The following GOLGA8H variants were observed in gnomAD, a reference collection of about 807,000 sequenced individuals.
The protein encoded by GOLGA8H is golgin A8 family member H.
GOLGA8H carries 47 observed loss-of-function variants against 82.7 expected under a neutral mutation model. The ratio of observed to expected loss-of-function variants is 0.57; its 90% CI spans 0.45 to 0.73. The LOEUF (loss-of-function observed/expected upper bound fraction) is 0.73. GOLGA8H is among the 30% of genes least tolerant of loss of function. The probability of loss-of-function intolerance (pLI) is 0.00; values close to 1 mark genes in which losing one functional copy is unlikely to be tolerated. For missense variants in GOLGA8H, 372 were observed against 661.0 expected (o/e 0.56, Z 4.79); for synonymous variants, 108 against 241.6 (o/e 0.45, Z 5.13).
Position 30,604,149 on chromosome 15 carries a change from C to G in GOLGA8H, c.24C>G (p.Asn8Lys). 6.7e-7 allele frequency: 1 copy of G among 1,490,568 alleles called. No individual in the cohort carries two copies. Among genetic ancestry groups the G allele is most frequent in the Non-Finnish European group, 8.9e-7 (1 of 1,120,422 alleles). The allele number at this position is 1,490,568 out of a possible 1,614,324, so 92.3% of individuals were successfully genotyped here. A position where few individuals can be genotyped will look rare whatever the true frequency, so the allele number is the denominator to read the frequency against. MAEETQH[N>K]KLAAAKKKLK... is the part of the protein sequence containing the mutation. ...CGATGGCAGAAGAAACTCAACACAA[C>G]AAATTGGCTGCAGCCAAGAAAAAGG... The change falls in exon 1 of 19, where the codon AAC becomes AAG. Residue 8 changes from asparagine to lysine, a missense_variant. Physicochemically the swap from Asn to Lys is moderately conservative, Grantham distance 94. Transcript: ENST00000566740.
Position 30,610,253 on chromosome 15 carries a change from A to G in GOLGA8H, c.787-49A>G, listed in dbSNP as rs752269498. On this transcript the variant is annotated intron_variant, in intron 10 of 18. Transcript: ENST00000566740. ...CAGAGAGGGAGAGGGCAGCCTGTCC[A>G]GCCTCCAGCCCCTCTCTCCAAGGCC... The G allele has an allele frequency of 4.5e-5, 40 of 887,670 alleles. 1 individual carries two copies. The highest frequency in any genetic ancestry group is 7.1e-5 in the Non-Finnish European group (39 of 547,990). The allele number at this position is 887,670 out of a possible 1,614,324, so 55.0% of individuals were successfully genotyped here.
At chr15:30,612,766 G>C (rs951117621) in intron 14 of GOLGA8H, 94 bp downstream of exon 14, 1 of 1,158,902 alleles carries the variant, frequency 8.6e-7, no homozygotes, top group Non-Finnish European at 1.3e-6. Context: ...GAGACCTTTA[G>C]AACAGCTGGT....
intron 1 of GOLGA8H, 25 bp from the exon 2 acceptor site, chr15:30,605,818 G>A (rs769866452): frequency 1.3e-4 from 200 of 1,591,506 alleles, no homozygotes; most frequent in East Asian, 4.3e-4. Flanking sequence ...GTTCTCATGA[G>A]TATTACTGCT....
rs1032658065 is a variant in GOLGA8H, at chr15:30,608,754, C to G, written c.589C>G (p.Gln197Glu). ...GGCCACACAGAAGAAGAAGGCAAAC[C>G]AGGTGAGTCCAACCACCTGCCCCAT... ...VMATQKKKANQLSSRSKARTE... is the reference protein window; with the variant it reads ...VMATQKKKANELSSRSKARTE... Residue 197 changes from glutamine (Q) to glutamate (E), a missense_variant and splice_region_variant, in exon 8 of 19, where the codon CAG becomes GAG. Coordinates refer to ENST00000566740, the MANE Select transcript of GOLGA8H (RefSeq NM_001282490.2). 1 of 1,462,332 alleles carries G rather than the reference C, an allele frequency of 6.8e-7. No homozygotes were observed. Among genetic ancestry groups the G allele is most frequent in the African/African-American group, 1.4e-5 (1 of 69,422 alleles). 90.6% of individuals were successfully genotyped at this position (1,462,332 alleles called of 1,614,324 possible).
chr15:30,608,318 C>G lies in GOLGA8H; in HGVS notation c.349-13C>G. ...CTCCCCCTGGTAAGAGCTCTGTCTT[C>G]TTCTTCCTACAGGAAAAGAAAGCAA... On this transcript the variant is annotated splice_polypyrimidine_tract_variant and intron_variant, in intron 5 of 18. Transcript: ENST00000566740. 1 of 1,593,964 alleles carries G rather than the reference C, an allele frequency of 6.3e-7. No homozygotes were observed. Among genetic ancestry groups the G allele is most frequent in the East Asian group, 2.2e-5 (1 of 44,590 alleles).
In GOLGA8H at chr15:30,609,739, T is replaced by G. The variant is rs1252652146; in HGVS notation, c.592-67T>G. ...GTATATTGGGCCTAGCCCTAGTCCT[T>G]TTAAGGGGCACTGTGTGGAAATGCC... On this transcript the variant is annotated intron_variant, in intron 8 of 18. Transcript: ENST00000566740. The G allele has an allele frequency of 5.7e-6, 9 of 1,583,728 alleles. No individual in the cohort carries two copies. The East Asian group carries it at 1.1e-4, about 20-fold the overall frequency.
rs1283900596 is a variant in GOLGA8H, at chr15:30,610,303, T to A, written c.788T>A (p.Ile263Asn). 6.5e-6 allele frequency: 8 copies of A among 1,234,700 alleles called. No individual in the cohort carries two copies. The allele number at this position is 1,234,700 out of a possible 1,614,324, so 76.5% of individuals were successfully genotyped here. Residue 263 changes from isoleucine to asparagine, a missense_variant and splice_region_variant, in exon 11 of 19, where the codon ATT (isoleucine) becomes AAT (asparagine). Coordinates refer to ENST00000566740, the MANE Select transcript of GOLGA8H (RefSeq NM_001282490.2). ...CCTTTCCCCTTGTGCTTTGGGCAGA[T>A]TTGCACATTAAAGAAAGAGAAGCAG... is the stretch of plus-strand genomic sequence containing the variant. ...QQRMRKMSQE[I>N]CTLKKEKQQD...
chr15:30,606,382 T>G (rs1365965726), intron 2 of GOLGA8H, among the ~76,000 whole-genome samples: 3 of 149,992 alleles, frequency 2.0e-5, no homozygotes, highest in Admixed American at 6.6e-5. Context: ...ATTCTGGATT[T>G]GAATCCTGCC....
At chr15:30,609,940 G>A (rs1285068699) in intron 9 of GOLGA8H, 48 bp downstream of exon 9, 1 of 1,587,260 alleles carries the variant, frequency 6.3e-7, no homozygotes, top group Non-Finnish European at 8.6e-7. Flanking sequence ...ACCCCAGGTG[G>A]CCAGGAGCAG....
In GOLGA8H at chr15:30,615,146, T is replaced by C. The variant is rs2060089756; in HGVS notation, c.*585T>C. On this transcript the variant is annotated 3_prime_UTR_variant, in exon 19 of 19. Coordinates refer to ENST00000566740, the MANE Select transcript of GOLGA8H (RefSeq NM_001282490.2). ...GAAACAGCCTTTCCTCCATTTTCTG[T>C]GTATTGGTGATGGGAGTGATAACCT... Among the ~76,000 whole-genome samples, 1 of 151,872 alleles carries C rather than the reference T, an allele frequency of 6.6e-6. No homozygotes were observed. The highest frequency in any genetic ancestry group is 1.5e-5 in the Non-Finnish European group (1 of 67,980).
intron 8 of GOLGA8H, among the ~76,000 whole-genome samples, chr15:30,609,558 TAAC>T (rs959420284): frequency 3.3e-5 from 5 of 150,368 alleles, no homozygotes; most frequent in Admixed American, 2.0e-4. Context: ...GTGGTAATAA[TAAC>T]AGTAATAACA....
At chr15:30,604,297 C>G (rs920378793) in intron 1 of GOLGA8H, 124 bp downstream of exon 1, 5 of 1,513,268 alleles carry the variant, frequency 3.3e-6, no homozygotes, top group African/African-American at 3.0e-5. Flanking sequence ...CCCGGTGCCT[C>G]TGGGCTACCC....
chr15:30,610,671 C>T, intron 11 of GOLGA8H, 95 bp from the exon 12 acceptor site: 2 of 723,254 alleles, frequency 2.8e-6, no homozygotes, highest in Admixed American at 2.9e-5. Flanking sequence ...AGCAGTGAGG[C>T]CAAGTTTGAG....
rs1456871630 is a variant in GOLGA8H, at chr15:30,614,934, C to T, written c.*373C>T. Among the ~76,000 whole-genome samples the T allele has an allele frequency of 6.6e-6, 1 of 151,878 alleles. No homozygotes were observed. On this transcript the variant is annotated 3_prime_UTR_variant, in exon 19 of 19. Coordinates refer to ENST00000566740, the MANE Select transcript of GOLGA8H (RefSeq NM_001282490.2). The stretch of plus-strand genomic sequence containing the variant: ...CCATGCTTTTTTAATGTTATTGCAG[C>T]ATGTACATTCACTACAGAATTCAGA...
chr15:30,612,899 G>A (rs1270882834), intron 14 of GOLGA8H: 2 of 594,754 alleles, frequency 3.4e-6, no homozygotes, highest in Non-Finnish European at 5.9e-6. Context: ...GAGCAGGTCA[G>A]AACTCCCACA....
chr15:30,609,725 C>G, intron 8 of GOLGA8H, 81 bp from the exon 9 acceptor site: 10 of 1,577,760 alleles, frequency 6.3e-6, no homozygotes, highest in Non-Finnish European at 8.7e-6. Flanking sequence ...TATATTGGGC[C>G]TAGCCCTAGT....
Position 30,608,322 on chromosome 15 carries a change from T to C in GOLGA8H, c.349-9T>C. 1 of 1,594,004 alleles carries C rather than the reference T, an allele frequency of 6.3e-7. No individual in the cohort carries two copies. Among genetic ancestry groups the C allele is most frequent in the Non-Finnish European group, 8.5e-7 (1 of 1,172,160 alleles). The stretch of plus-strand genomic sequence containing the variant: ...CCCTGGTAAGAGCTCTGTCTTCTTC[T>C]TCCTACAGGAAAAGAAAGCAAACAA... On this transcript the variant is annotated splice_polypyrimidine_tract_variant and intron_variant, in intron 5 of 18. Transcript: ENST00000566740.
At position 30,608,743 on chromosome 15, in the gene GOLGA8H, A is replaced by G. The variant is rs769719600; in HGVS notation, c.578A>G (p.Lys193Arg). Residue 193 changes from lysine to arginine, a missense_variant, in exon 8 of 19, where the codon AAG (lysine) becomes AGG (arginine). Transcript: ENST00000566740. ...TCTAATGTCATGGCCACACAGAAGA[A>G]GAAGGCAAACCAGGTGAGTCCAACC... ...VLSNVMATQK[K>R]KANQLSSRSK... 28 of 1,502,670 alleles carry G rather than the reference A, an allele frequency of 1.9e-5. No homozygotes were observed. Among genetic ancestry groups the G allele is most frequent in the East Asian group, 7.1e-5 (3 of 42,474 alleles). 93.1% of individuals were successfully genotyped at this position (1,502,670 alleles called of 1,614,324 possible).
intron 1 of GOLGA8H, among the ~76,000 whole-genome samples, 155 bp from the exon 2 acceptor site, chr15:30,605,688 T>C (rs944747863): frequency 1.3e-5 from 2 of 151,350 alleles, no homozygotes; most frequent in African/African-American, 4.9e-5. Context: ...ATATCAATCC[T>C]TCTCAGTCAC....
Sources: allele counts gnomAD v4.1 joint callset (sites outside exome capture counted in the v4.1 genomes callset), GRCh38; gene constraint gnomAD v4.1.1; transcripts MANE v1.5; gene names NCBI Gene and HGNC (gene_info 2026-07-23, HGNC 2026-07-21).